Variants in TNPO3 observed in about 807,000 individuals in gnomAD.
TNPO3 encodes transportin 3.
Under a neutral mutation model 122.8 loss-of-function variants are expected in TNPO3, and 65 were observed. The ratio of observed to expected loss-of-function variants is 0.53; its 90% CI spans 0.43 to 0.65. The LOEUF is 0.65. TNPO3 is among the 30% of genes least tolerant of loss of function. The pLI is 0.00. For synonymous variants in TNPO3, 372 were observed against 411.2 expected (o/e 0.90, Z 1.15); for missense variants, 850 against 1,136.7 (o/e 0.75, Z 3.63).
intron 1 of TNPO3, among the ~76,000 whole-genome samples, chr7:129,052,085 G>A (rs571248835): frequency 1.3e-5 from 2 of 152,302 alleles, no homozygotes; most frequent in South Asian, 2.1e-4. Context: ...TTGCCTAAAC[G>A]TGATGTGTTA....
In TNPO3 at chr7:128,955,340, G is replaced by C. The variant is rs566028883; in HGVS notation, c.*77C>G. The C allele has an allele frequency of 1.8e-5, 8 of 456,354 alleles. No homozygotes were observed. The East Asian group carries it at 5.6e-4, about 32-fold the overall frequency. The allele number at this position is 456,354 out of a possible 1,614,324, so 28.3% of individuals were successfully genotyped here. On this transcript the variant is annotated 3_prime_UTR_variant, in exon 23 of 23. Coordinates refer to ENST00000265388, the MANE Select transcript of TNPO3 (RefSeq NM_012470.4). ...CGGAGGTTTCTGATTGTGGGACACA[G>C]TCTGGTTTTTGTTTTCTTCCTGTCT...
chr7:128,992,410 C>T (rs543611156), intron 9 of TNPO3, among the ~76,000 whole-genome samples: 11 of 152,150 alleles, frequency 7.2e-5, no homozygotes, highest in African/African-American at 2.6e-4. Flanking sequence ...CTGATAAATA[C>T]ATAAACACAC....
chr7:128,988,374 C>CA (rs900293340), intron 11 of TNPO3, among the ~76,000 whole-genome samples: 32 of 151,956 alleles, frequency 2.1e-4, no homozygotes, highest in Admixed American at 8.5e-4. Context: ...CTACCTCCAC[C>CA]AAAAAGAAAA....
At chr7:129,020,552 T>G (rs1461394995) in intron 1 of TNPO3, among the ~76,000 whole-genome samples, 1 of 152,192 alleles carries the variant, frequency 6.6e-6, no homozygotes, top group Non-Finnish European at 1.5e-5. Flanking sequence ...GAGATCCTCC[T>G]GCCTCAGCCC....
At chr7:128,964,824 A>T (rs1217480152) in intron 21 of TNPO3, among the ~76,000 whole-genome samples, 2 of 152,216 alleles carry the variant, frequency 1.3e-5, no homozygotes, top group Non-Finnish European at 2.9e-5. Context: ...CAAGGATGTC[A>T]AGACCATTCA....
intron 16 of TNPO3, 77 bp downstream of exon 16, chr7:128,978,906 A>G: frequency 1.3e-6 from 2 of 1,551,324 alleles, no homozygotes; most frequent in South Asian, 1.2e-5. Context: ...TGCTGGGATT[A>G]CAGACGTGAG....
chr7:128,975,008 C>T, intron 17 of TNPO3, 46 bp from the exon 18 acceptor site: 1 of 1,485,762 alleles, frequency 6.7e-7, no homozygotes, highest in Non-Finnish European at 9.4e-7. Flanking sequence ...TTCAGAAATG[C>T]CACAGCATTC....
chr7:129,033,906 C>CAAAAAAA (rs776103730), intron 1 of TNPO3, among the ~76,000 whole-genome samples: 1 of 72,474 alleles, frequency 1.4e-5, no homozygotes. Context: ...GAGCTAAACT[C>CAAAAAAA]AAAAAAAAAA....
intron 16 of TNPO3, among the ~76,000 whole-genome samples, chr7:128,977,833 T>C (rs1799230073): frequency 6.6e-6 from 1 of 152,086 alleles, no homozygotes; most frequent in Non-Finnish European, 1.5e-5. Context: ...CCTGACCTCG[T>C]GATCCACCCA....
At chr7:129,000,718 A>T in intron 6 of TNPO3, 151 bp from the exon 7 acceptor site, 1 of 798,300 alleles carries the variant, frequency 1.3e-6, no homozygotes, top group East Asian at 2.7e-5. Context: ...CCCATGACAG[A>T]CACCTTTACC....
At chr7:129,034,626 A>T (rs1806356326) in intron 1 of TNPO3, among the ~76,000 whole-genome samples, 1 of 152,038 alleles carries the variant, frequency 6.6e-6, no homozygotes, top group South Asian at 2.1e-4. Context: ...GCGGTGGCTC[A>T]CGCCTGTAAT....
rs532560069 is a variant in TNPO3, at chr7:129,000,099, G to A, written c.1011+330C>T. Among the ~76,000 whole-genome samples, 11 of 152,204 alleles carry A rather than the reference G, an allele frequency of 7.2e-5. No individual in the cohort carries two copies. The East Asian group carries it at 1.7e-3, about 24-fold the overall frequency. The stretch of plus-strand genomic sequence containing the variant: ...AATTGGGGGTGTTAAGACTTGTGGA[G>A]GTATAGTTAGAATTTGGTGTTTTTT... On this transcript the variant is annotated intron_variant, in intron 7 of 22. Coordinates refer to ENST00000265388, the MANE Select transcript of TNPO3 (RefSeq NM_012470.4).
chr7:128,987,491 G>A (rs1188792391), intron 11 of TNPO3, among the ~76,000 whole-genome samples: 1 of 152,126 alleles, frequency 6.6e-6, no homozygotes, highest in African/African-American at 2.4e-5. Flanking sequence ...TTATCATAAA[G>A]TTGAATTTCT....
chr7:129,032,622 A>G (rs1056075495), intron 1 of TNPO3, among the ~76,000 whole-genome samples: 7 of 152,234 alleles, frequency 4.6e-5, no homozygotes, highest in African/African-American at 1.7e-4. Context: ...AAAAACGAAT[A>G]AAATACTCAG....
At chr7:129,033,833 A>C (rs1806236857) in intron 1 of TNPO3, among the ~76,000 whole-genome samples, 2 of 151,796 alleles carry the variant, frequency 1.3e-5, no homozygotes, top group South Asian at 4.2e-4. Flanking sequence ...GAATCACTTG[A>C]ACTCGGGAGG....
At chr7:129,018,467 G>GTC (rs1804091960) in intron 1 of TNPO3, among the ~76,000 whole-genome samples, 1 of 152,108 alleles carries the variant, frequency 6.6e-6, no homozygotes, top group African/African-American at 2.4e-5. Context: ...TGTCCCAAAA[G>GTC]TCTCCACTAA....
chr7:129,020,359 T>C (rs1476365508), intron 1 of TNPO3, among the ~76,000 whole-genome samples: 2 of 152,240 alleles, frequency 1.3e-5, no homozygotes, highest in African/African-American at 4.8e-5. Context: ...CCAAAGATTT[T>C]AGCCATTGAT....
intron 1 of TNPO3, among the ~76,000 whole-genome samples, chr7:129,027,998 CAATTA>C (rs1230887295): frequency 6.6e-6 from 1 of 152,036 alleles, no homozygotes; most frequent in African/African-American, 2.4e-5. Context: ...TTTCTGATCA[CAATTA>C]AATAAAACTA....
intron 4 of TNPO3, among the ~76,000 whole-genome samples, chr7:129,008,446 A>G (rs913833792): frequency 1.8e-4 from 27 of 152,030 alleles, no homozygotes; most frequent in Admixed American, 1.3e-4. Context: ...TTCTGGCCCC[A>G]TTAAGTTCTT....
Sources: gnomAD v4.1 joint callset for allele counts (sites outside exome capture counted in the v4.1 genomes callset) on GRCh38, gnomAD v4.1.1 for gene constraint, MANE v1.5 for transcripts, NCBI Gene and HGNC (gene_info 2026-07-23, HGNC 2026-07-21) for gene names.